TMX1: variants seen among roughly 807,000 people sequenced by gnomAD.
The protein encoded by TMX1 is thioredoxin-related transmembrane protein 1.
TMX1 carries 25 observed loss-of-function variants against 36.6 expected under a neutral mutation model. The observed-to-expected ratio is 0.68, with a 90% confidence interval of 0.50 to 0.95. TMX1 has a LOEUF of 0.95. TMX1 is among the 40% of genes least tolerant of loss of function. The pLI, the probability that TMX1 is intolerant of heterozygous loss-of-function variation, is 0.00. For synonymous variants in TMX1, 133 were observed against 118.0 expected, an observed-to-expected ratio of 1.13 and a Z score of -0.82; for missense variants, 347 against 339.6, an observed-to-expected ratio of 1.02 and a Z score of -0.17.
chr14:51,256,484 T>C lies in TMX1; in HGVS notation c.*1965T>C, dbSNP rs1343425320. 6.6e-6 allele frequency: 1 copy of C among 152,134 alleles called. No individual in the cohort carries two copies. Among genetic ancestry groups the C allele is most frequent in the Non-Finnish European group, 1.5e-5 (1 of 68,002 alleles). 9.4% of individuals were successfully genotyped at this position (152,134 alleles called of 1,614,324 possible). On this transcript the variant is annotated 3_prime_UTR_variant, in exon 8 of 8. Transcript: ENST00000457354. ...AGTTAGTAACAGGCTTATAGAAACT[T>C]TGGGATTATTTACAAATGGTTTAGG...
chr14:51,257,521 A>G lies in TMX1; in HGVS notation c.*3002A>G, dbSNP rs944052688. On this transcript the variant is annotated 3_prime_UTR_variant, in exon 8 of 8. Transcript: ENST00000457354. ...GTGGTTTTGCTGAGTGTATGAGTCT[A>G]TAAATAAAATTTTAATTGAACATCA... 6.6e-6 allele frequency: 1 copy of G among 152,226 alleles called. No individual in the cohort carries two copies. Among genetic ancestry groups the G allele is most frequent in the Non-Finnish European group, 1.5e-5 (1 of 68,038 alleles). The allele number at this position is 152,226 out of a possible 1,614,324, so 9.4% of individuals were successfully genotyped here.
At chr14:51,253,262 G>A (rs1379016926) in intron 7 of TMX1, among the ~76,000 whole-genome samples, 2 of 152,190 alleles carry the variant, frequency 1.3e-5, no homozygotes, top group African/African-American at 4.8e-5. Context: ...CTTCTGAGGT[G>A]TGAAAAAACA....
At chr14:51,243,039 A>G (rs1202026440) in intron 1 of TMX1, among the ~76,000 whole-genome samples, 2 of 151,896 alleles carry the variant, frequency 1.3e-5, no homozygotes, top group African/African-American at 4.8e-5. Context: ...TGTGAAGTAC[A>G]GAAAGTATAG....
In TMX1 at chr14:51,245,554, G is replaced by A. The variant is rs1183838472; in HGVS notation, c.314+196G>A. On this transcript the variant is annotated intron_variant, in intron 3 of 7. Coordinates refer to ENST00000457354, the MANE Select transcript of TMX1 (RefSeq NM_030755.5). ...TTGAGTGATGTGTGAAACAGTCTCT[G>A]TTCTCAAAGATTTACAGTTGTTTTG... The A allele has an allele frequency of 1.2e-4, 155 of 1,347,384 alleles. 2 individuals are homozygous for A. In the East Asian group the frequency reaches 3.4e-3, roughly 30 times the overall value. The allele number at this position is 1,347,384 out of a possible 1,614,324, so 83.5% of individuals were successfully genotyped here. A position where few individuals can be genotyped will look rare whatever the true frequency, so the allele number is the denominator to read the frequency against.
intron 2 of TMX1, among the ~76,000 whole-genome samples, chr14:51,244,891 T>G (rs1290695546): frequency 1.3e-5 from 2 of 152,178 alleles, no homozygotes; most frequent in African/African-American, 4.8e-5. Flanking sequence ...CATGAAAGAT[T>G]CATAGTATTT....
chr14:51,246,672 A>G lies in TMX1; in HGVS notation c.315-420A>G, dbSNP rs569483564. Among the ~76,000 whole-genome samples the G allele has an allele frequency of 2.6e-5, 4 of 152,366 alleles. No individual in the cohort carries two copies. The East Asian group carries it at 7.7e-4, about 29-fold the overall frequency. On this transcript the variant is annotated intron_variant, in intron 3 of 7. Coordinates refer to ENST00000457354, the MANE Select transcript of TMX1 (RefSeq NM_030755.5). ...AGGGTGTCTGAGGTGATGCTATTAT[A>G]GCCAAAAGTACTAGAAAAATGCCTT...
chr14:51,257,179 T>C lies in TMX1; in HGVS notation c.*2660T>C, dbSNP rs1182836092. ...TGTAGGAGTGAATAAATGCTATTCA[T>C]AAATAACCATAATTATTCAGTATTT... On this transcript the variant is annotated 3_prime_UTR_variant, in exon 8 of 8. Transcript: ENST00000457354. 2 of 152,226 alleles carry C rather than the reference T, an allele frequency of 1.3e-5. No homozygotes were observed. Among genetic ancestry groups the C allele is most frequent in the Admixed American group, 6.5e-5 (1 of 15,292 alleles). 9.4% of individuals were successfully genotyped at this position (152,226 alleles called of 1,614,324 possible). A position where few individuals can be genotyped will look rare whatever the true frequency, so the allele number is the denominator to read the frequency against.
intron 1 of TMX1, among the ~76,000 whole-genome samples, chr14:51,241,037 CT>C (rs1235038391): frequency 1.4e-4 from 21 of 151,978 alleles, no homozygotes; most frequent in African/African-American, 5.1e-4. Context: ...TCCTCTTTTG[CT>C]TTCTCTTTTT....
At chr14:51,242,199 A>C (rs532861054) in intron 1 of TMX1, among the ~76,000 whole-genome samples, 1 of 152,320 alleles carries the variant, frequency 6.6e-6, no homozygotes, top group Non-Finnish European at 1.5e-5. Context: ...TGTAGTCTGC[A>C]ATTCTGAAAT....
intron 4 of TMX1, among the ~76,000 whole-genome samples, chr14:51,247,725 G>C (rs547124637): frequency 6.6e-6 from 1 of 152,254 alleles, no homozygotes; most frequent in South Asian, 2.1e-4. Flanking sequence ...AGTTAGAGAA[G>C]GCATTTTATA....
rs2065844113 is a variant in TMX1, at chr14:51,257,580, A to G, written c.*3061A>G. Reference sequence around the variant, plus strand: ...TTAGATATGTTGGTACTGCTTATCTAGCAACTTTTGTATTTGTGAAACCAT... The same window carrying G: ...TTAGATATGTTGGTACTGCTTATCTGGCAACTTTTGTATTTGTGAAACCAT... On this transcript the variant is annotated 3_prime_UTR_variant, in exon 8 of 8. Coordinates refer to ENST00000457354, the MANE Select transcript of TMX1 (RefSeq NM_030755.5). 1 of 152,240 alleles carries G rather than the reference A, an allele frequency of 6.6e-6. No individual in the cohort carries two copies. Among genetic ancestry groups the G allele is most frequent in the African/African-American group, 2.4e-5 (1 of 41,464 alleles). 9.4% of individuals were successfully genotyped at this position (152,240 alleles called of 1,614,324 possible). A position where few individuals can be genotyped will look rare whatever the true frequency, so the allele number is the denominator to read the frequency against.
chr14:51,252,441 A>G (rs1323678767), intron 7 of TMX1, among the ~76,000 whole-genome samples: 1 of 151,576 alleles, frequency 6.6e-6, no homozygotes, highest in African/African-American at 2.4e-5. Flanking sequence ...AAGCAGTATG[A>G]CAGACATTTT....
At position 51,241,732 on chromosome 14, in the gene TMX1, G is replaced by A. The variant is rs188513811; in HGVS notation, c.152+1288G>A. On this transcript the variant is annotated intron_variant, in intron 1 of 7. Transcript: ENST00000457354. ...AGGGTTCAGGTGAGTGTTTTCTTGTGTCACGAATACAGCAAGGGTTGTCAA... is the reference window on the plus strand; with the variant it reads ...AGGGTTCAGGTGAGTGTTTTCTTGTATCACGAATACAGCAAGGGTTGTCAA... Among the ~76,000 whole-genome samples the A allele has an allele frequency of 6.6e-5, 10 of 152,294 alleles. No homozygotes were observed. In the East Asian group the frequency reaches 1.4e-3, roughly 21 times the overall value.
intron 1 of TMX1, among the ~76,000 whole-genome samples, chr14:51,242,702 G>C (rs931398836): frequency 1.3e-5 from 2 of 152,048 alleles, no homozygotes; most frequent in African/African-American, 2.4e-5. Context: ...TCTTGAGCCC[G>C]GGAGGTTGAG....
intron 7 of TMX1, among the ~76,000 whole-genome samples, chr14:51,249,990 A>T (rs1363442030): frequency 6.6e-6 from 1 of 152,174 alleles, no homozygotes; most frequent in Admixed American, 6.5e-5. Flanking sequence ...CTCTTATATT[A>T]TGGGGAATTT....
chr14:51,247,578 T>C (rs371414696), intron 4 of TMX1, among the ~76,000 whole-genome samples: 20 of 152,150 alleles, frequency 1.3e-4, no homozygotes, highest in South Asian at 8.3e-4. Flanking sequence ...AGGATGGTCT[T>C]GATCTCCTGA....
rs200383228 is a variant in TMX1, at chr14:51,243,793, C to T, written c.153-63C>T. 278 of 1,134,954 alleles carry T rather than the reference C, an allele frequency of 2.4e-4. 8 individuals are homozygous for T. In the South Asian group the frequency reaches 5.3e-3, roughly 22 times the overall value. The allele number at this position is 1,134,954 out of a possible 1,614,324, so 70.3% of individuals were successfully genotyped here. A position where few individuals can be genotyped will look rare whatever the true frequency, so the allele number is the denominator to read the frequency against. On this transcript the variant is annotated intron_variant, in intron 1 of 7. Transcript: ENST00000457354. ...TAAATTATACATTTAAATTTTTTAT[C>T]CCAAGATAAATGGTCATACTAAAGT...
chr14:51,246,702 T>C (rs1023412557), intron 3 of TMX1, among the ~76,000 whole-genome samples: 1 of 152,222 alleles, frequency 6.6e-6, no homozygotes, highest in Non-Finnish European at 1.5e-5. Context: ...TGCCTTAAAA[T>C]TTTAAGTTAT....
chr14:51,240,452 C>T lies in TMX1; in HGVS notation c.152+8C>T, dbSNP rs767924707. ...AGACTGGATGATAGAATTGTGAGTG[C>T]GGGGCGGCCAGGGTCCTACGTCCGT... On this transcript the variant is annotated splice_region_variant and intron_variant, in intron 1 of 7. Coordinates refer to ENST00000457354, the MANE Select transcript of TMX1 (RefSeq NM_030755.5). 1.2e-6 allele frequency: 2 copies of T among 1,612,590 alleles called. No individual in the cohort carries two copies. Among genetic ancestry groups the T allele is most frequent in the South Asian group, 2.2e-5 (2 of 91,056 alleles).
Sources: gnomAD v4.1 joint callset for allele counts (sites outside exome capture counted in the v4.1 genomes callset) on GRCh38, gnomAD v4.1.1 for gene constraint, MANE v1.5 for transcripts, NCBI Gene and HGNC (gene_info 2026-07-23, HGNC 2026-07-21) for gene names.